The following TMEM132D variants were observed in gnomAD, a reference collection of about 807,000 sequenced individuals.
TMEM132D encodes transmembrane protein 132D, also known as mature OL transmembrane protein.
TMEM132D carries 21 observed loss-of-function variants against 62.3 expected under a neutral mutation model. That is an observed-to-expected ratio of 0.34 (90% CI 0.24 to 0.49). The LOEUF (loss-of-function observed/expected upper bound fraction) is 0.49. TMEM132D is among the 20% of genes least tolerant of loss of function. The probability of loss-of-function intolerance (pLI) is 0.99; values close to 1 mark genes in which losing one functional copy is unlikely to be tolerated. For missense variants in TMEM132D, 1,346 were observed against 1,402.8 expected (o/e 0.96, Z 0.65); for synonymous variants, 621 against 575.6 (o/e 1.08, Z -1.13).
intron 1 of TMEM132D, among the ~76,000 whole-genome samples, chr12:129,710,780 CTCAGGCTTCGCACCTTGGTATTCTTCCCT>C (rs1324884342): frequency 1.3e-5 from 2 of 152,182 alleles, no homozygotes; most frequent in African/African-American, 4.8e-5. Context: ...CTCCTCTCCC[CTCAGGCTTCGCACCTTGGTATTCTTCCCT>C]TCCGCCGCCT....
In TMEM132D at chr12:129,339,721, A is replaced by T. The variant is rs1218901602; in HGVS notation, c.1116-1904T>A. Among the ~76,000 whole-genome samples, 3 of 151,084 alleles carry T rather than the reference A, an allele frequency of 2.0e-5. No individual in the cohort carries two copies. The East Asian group carries it at 5.8e-4, about 29-fold the overall frequency. Reference sequence around the variant, plus strand: ...ATTCGAACTTGACAAGAATTTTGGTATGACTTTCCCATTGATGAAATGGGA... The same window carrying T: ...ATTCGAACTTGACAAGAATTTTGGTTTGACTTTCCCATTGATGAAATGGGA... On this transcript the variant is annotated intron_variant, in intron 3 of 8. Coordinates refer to ENST00000422113, the MANE Select transcript of TMEM132D (RefSeq NM_133448.3).
chr12:129,366,651 T>C lies in TMEM132D; in HGVS notation c.1116-28834A>G, dbSNP rs116820361. Among the ~76,000 whole-genome samples, 366 of 152,342 alleles carry C rather than the reference T, an allele frequency of 2.4e-3. 2 individuals are homozygous for C. Among genetic ancestry groups the C allele is most frequent in the African/African-American group, 8.5e-3 (354 of 41,578 alleles). ...TGTGAGCTCTAGGACCAGGCATCGC[T>C]GGGATGCTCCTGTCCTAAGACGTGA... is the stretch of plus-strand genomic sequence containing the variant. On this transcript the variant is annotated intron_variant, in intron 3 of 8. Transcript: ENST00000422113.
chr12:129,478,763 G>A (rs1874345043), intron 3 of TMEM132D, among the ~76,000 whole-genome samples: 1 of 152,108 alleles, frequency 6.6e-6, no homozygotes, highest in African/African-American at 2.4e-5. Context: ...CTTCAAATCT[G>A]GGAGAGGGTT....
chr12:129,295,632 ACACACACT>A (rs1388053630), intron 4 of TMEM132D, among the ~76,000 whole-genome samples: 1 of 151,940 alleles, frequency 6.6e-6, no homozygotes, highest in Non-Finnish European at 1.5e-5. Context: ...TTAGTTTTGT[ACACACACT>A]CACACACTCT....
At chr12:129,646,800 ATTT>A (rs35593697) in intron 2 of TMEM132D, among the ~76,000 whole-genome samples, 19 of 135,744 alleles carry the variant, frequency 1.4e-4, no homozygotes, top group Admixed American at 2.9e-4. Flanking sequence ...AATAACATGC[ATTT>A]TTTTTTTTTT....
intron 3 of TMEM132D, among the ~76,000 whole-genome samples, chr12:129,366,337 T>C (rs936922961): frequency 5.3e-5 from 8 of 152,136 alleles, no homozygotes; most frequent in Non-Finnish European, 1.0e-4. Flanking sequence ...CTTGGCACTG[T>C]CCTTGCAAAT....
intron 3 of TMEM132D, among the ~76,000 whole-genome samples, chr12:129,494,881 C>T (rs1874903450): frequency 6.6e-6 from 1 of 152,192 alleles, no homozygotes; most frequent in African/African-American, 2.4e-5. Context: ...TCAAACACTT[C>T]AGACATATGC....
At chr12:129,707,556 T>C (rs1881536456) in intron 1 of TMEM132D, among the ~76,000 whole-genome samples, 1 of 152,204 alleles carries the variant, frequency 6.6e-6, no homozygotes, top group African/African-American at 2.4e-5. Flanking sequence ...GCTTTATCAG[T>C]TTCTGAGAAA....
At chr12:129,239,106 C>T (rs1396338525) in intron 4 of TMEM132D, among the ~76,000 whole-genome samples, 7 of 149,918 alleles carry the variant, frequency 4.7e-5, no homozygotes, top group African/African-American at 1.7e-4. Context: ...CATCTTTTCA[C>T]GTGCTTGTTA....
intron 2 of TMEM132D, among the ~76,000 whole-genome samples, chr12:129,612,153 T>A (rs932682382): frequency 1.8e-4 from 28 of 152,202 alleles, no homozygotes; most frequent in African/African-American, 6.7e-4. Context: ...GGCTGTAACA[T>A]CCATCACATT....
At chr12:129,360,013 C>T (rs79820965) in intron 3 of TMEM132D, among the ~76,000 whole-genome samples, 1 of 148,968 alleles carries the variant, frequency 6.7e-6, no homozygotes, top group Admixed American at 6.7e-5. Context: ...AAAAAAAAAA[C>T]CCCATTTTTT....
chr12:129,240,557 G>A (rs1404463884), intron 4 of TMEM132D, among the ~76,000 whole-genome samples: 3 of 152,148 alleles, frequency 2.0e-5, no homozygotes, highest in Non-Finnish European at 4.4e-5. Context: ...GAATGAAGAA[G>A]GTTGTTAGGA....
chr12:129,666,750 A>T (rs1230292445), intron 2 of TMEM132D, among the ~76,000 whole-genome samples: 2 of 152,216 alleles, frequency 1.3e-5, no homozygotes, highest in Non-Finnish European at 2.9e-5. Flanking sequence ...CAGGTTTTTC[A>T]CTAAAAATAA....
chr12:129,471,503 C>T (rs1011752514), intron 3 of TMEM132D, among the ~76,000 whole-genome samples: 4 of 152,190 alleles, frequency 2.6e-5, no homozygotes, highest in Non-Finnish European at 5.9e-5. Flanking sequence ...CCATCCTTCT[C>T]CCTCTCCTCG....
At chr12:129,392,292 G>A (rs1389283380) in intron 3 of TMEM132D, among the ~76,000 whole-genome samples, 2 of 150,026 alleles carry the variant, frequency 1.3e-5, no homozygotes, top group East Asian at 4.0e-4. Flanking sequence ...CCTGACCTCA[G>A]GGCGATCCGC....
intron 1 of TMEM132D, among the ~76,000 whole-genome samples, chr12:129,896,671 T>C (rs2137398869): frequency 6.6e-6 from 1 of 152,340 alleles, no homozygotes; most frequent in Non-Finnish European, 1.5e-5. Flanking sequence ...TAAACACTTT[T>C]TTGGAACCTC....
At chr12:129,717,592 A>T (rs1210292159) in intron 1 of TMEM132D, among the ~76,000 whole-genome samples, 1 of 150,328 alleles carries the variant, frequency 6.7e-6, no homozygotes, top group Non-Finnish European at 1.5e-5. Context: ...TGGGAAACAC[A>T]GAATATGGGA....
At chr12:129,385,091 T>C (rs1301192186) in intron 3 of TMEM132D, among the ~76,000 whole-genome samples, 2 of 136,328 alleles carry the variant, frequency 1.5e-5, no homozygotes, top group Non-Finnish European at 1.6e-5. Flanking sequence ...AGTTCTTTTT[T>C]TTTTTTTTTT....
rs546197549 is a variant in TMEM132D, at chr12:129,688,737, G to A, written c.968+11073C>T. Reference sequence around the variant, plus strand: ...GATAATGAAGAAACAGGAGCAAACAGATCAAGTCTTCTGCCTTATGGAGCA... The same window carrying A: ...GATAATGAAGAAACAGGAGCAAACAAATCAAGTCTTCTGCCTTATGGAGCA... On this transcript the variant is annotated intron_variant, in intron 2 of 8. Coordinates refer to ENST00000422113, the MANE Select transcript of TMEM132D (RefSeq NM_133448.3). 3.9e-5 allele frequency among the ~76,000 whole-genome samples: 6 copies of A among 152,064 alleles called. No homozygotes were observed. The East Asian group carries it at 1.2e-3, about 29-fold the overall frequency.
Sources: allele counts gnomAD v4.1 joint callset (sites outside exome capture counted in the v4.1 genomes callset), GRCh38; gene constraint gnomAD v4.1.1; transcripts MANE v1.5; gene names NCBI Gene and HGNC (gene_info 2026-07-23, HGNC 2026-07-21).